Variants in TP63 observed in about 807,000 individuals in gnomAD.
The protein encoded by TP63 is tumor protein 63.
In TP63, 17 loss-of-function variants were observed where a neutral mutation model predicts 82.8. The observed-to-expected ratio is 0.21, with a 90% CI of 0.14 to 0.31. TP63 has a LOEUF of 0.31. TP63 is among the 10% of genes least tolerant of loss of function. The pLI is 1.00. For synonymous variants in TP63, 330 were observed against 321.7 expected, an observed-to-expected ratio of 1.03 and a Z score of -0.28; for missense variants, 648 against 895.3, an observed-to-expected ratio of 0.72 and a Z score of 3.52.
In TP63 at chr3:189,855,297, T is replaced by C. The variant is rs185282157; in HGVS notation, c.580-8935T>C. 2.3e-4 allele frequency among the ~76,000 whole-genome samples: 35 copies of C among 152,324 alleles called. No individual in the cohort carries two copies. The East Asian group carries it at 6.6e-3, about 29-fold the overall frequency. ...AATCACATTTAGAGACAGTGCCACT[T>C]TATTTTTTAAAAAAGATAAACAAAA... On this transcript the variant is annotated intron_variant, in intron 4 of 13. Coordinates refer to ENST00000264731, the MANE Select transcript of TP63 (RefSeq NM_003722.5).
chr3:189,724,277 T>G (rs1198332236), intron 1 of TP63, among the ~76,000 whole-genome samples: 3 of 152,168 alleles, frequency 2.0e-5, no homozygotes, highest in African/African-American at 7.2e-5. Flanking sequence ...GTTTCCCTAA[T>G]TGTTCATTAC....
At chr3:189,770,754 ATAGT>A (rs750902470) in intron 3 of TP63, among the ~76,000 whole-genome samples, 1 of 152,144 alleles carries the variant, frequency 6.6e-6, no homozygotes, top group African/African-American at 2.4e-5. Context: ...ATCTCTACAG[ATAGT>A]TAGGCAAGAC....
intron 1 of TP63, among the ~76,000 whole-genome samples, chr3:189,691,400 A>G (rs1456070145): frequency 2.0e-5 from 3 of 151,566 alleles, no homozygotes; most frequent in Admixed American, 6.6e-5. Context: ...TTGACTGTGT[A>G]TGGCAACTCA....
intron 3 of TP63, among the ~76,000 whole-genome samples, chr3:189,765,433 C>CATTTTTTTTTTTTTTTTTT (rs1722869060): frequency 3.3e-5 from 1 of 30,088 alleles, no homozygotes; most frequent in Non-Finnish European, 5.9e-5. Flanking sequence ...CTGTCCTCTG[C>CATTTTTTTTTTTTTTTTTT]TTTTTTTTTT....
intron 1 of TP63, among the ~76,000 whole-genome samples, chr3:189,642,857 T>C (rs1434266870): frequency 6.6e-6 from 1 of 150,556 alleles, no homozygotes; most frequent in East Asian, 1.9e-4. Flanking sequence ...AAAGCATAAA[T>C]AAAACATGAC....
intron 4 of TP63, among the ~76,000 whole-genome samples, chr3:189,840,359 C>CTTTTTTTTTTTTTTTTTTTTTTTT: frequency 1.1e-4 from 5 of 44,448 alleles, no homozygotes; most frequent in Admixed American, 2.6e-4. Context: ...TGCTTTTCGT[C>CTTTTTTTTTTTTTTTTTTTTTTTT]TTTTTTTTTT....
chr3:189,822,507 G>A (rs542685521), intron 4 of TP63, among the ~76,000 whole-genome samples: 17 of 152,156 alleles, frequency 1.1e-4, no homozygotes, highest in Non-Finnish European at 2.4e-4. Flanking sequence ...TTTCAATATA[G>A]GTATTTCTTC....
chr3:189,620,515 AAC>A, the TP63 span, among the ~76,000 whole-genome samples: 5,988 of 137,498 alleles, frequency 0.044, 329 homozygotes, highest in African/African-American at 0.062. Flanking sequence ...TCAAAAAAAA[AAC>A]AAAAAAAAAA....
At chr3:189,855,843 A>G (rs1716223312) in intron 4 of TP63, among the ~76,000 whole-genome samples, 1 of 152,030 alleles carries the variant, frequency 6.6e-6, no homozygotes, top group South Asian at 2.1e-4. Flanking sequence ...CAATGATGAA[A>G]TATTAATAAA....
At chr3:189,616,525 T>C in the TP63 span, among the ~76,000 whole-genome samples, 1 of 152,222 alleles carries the variant, frequency 6.6e-6, no homozygotes, top group South Asian at 2.1e-4. Context: ...TTCTACCTCC[T>C]TCATCCAGTC....
At chr3:189,739,788 T>TTC in intron 3 of TP63, among the ~76,000 whole-genome samples, 1 of 148,372 alleles carries the variant, frequency 6.7e-6, no homozygotes, top group East Asian at 2.0e-4. Context: ...GGGTTTTCTT[T>TTC]TTTTTTTTTT....
chr3:189,801,848 T>C (rs1053717337), intron 3 of TP63, among the ~76,000 whole-genome samples: 2 of 152,352 alleles, frequency 1.3e-5, no homozygotes, highest in Admixed American at 1.3e-4. Flanking sequence ...TTATATTTTG[T>C]TCTTTGTATG....
At chr3:189,612,431 A>G in the TP63 span, among the ~76,000 whole-genome samples, 36 of 151,360 alleles carry the variant, frequency 2.4e-4, no homozygotes, top group Non-Finnish European at 2.5e-4. Context: ...AGTGCTTTTC[A>G]CCTCCCACCA....
chr3:189,753,911 ATG>A (rs1229779803), intron 3 of TP63, among the ~76,000 whole-genome samples: 1 of 152,138 alleles, frequency 6.6e-6, no homozygotes, highest in Admixed American at 6.6e-5. Flanking sequence ...ACAAATTCAA[ATG>A]GAAGGTAGAA....
At chr3:189,824,570 A>G (rs1485276703) in intron 4 of TP63, among the ~76,000 whole-genome samples, 1 of 152,088 alleles carries the variant, frequency 6.6e-6, no homozygotes, top group East Asian at 1.9e-4. Context: ...GGCTGCTGTG[A>G]AACTGTTTTC....
chr3:189,806,166 G>A (rs955597860), intron 3 of TP63, among the ~76,000 whole-genome samples: 17 of 139,316 alleles, frequency 1.2e-4, no homozygotes, highest in Admixed American at 8.1e-4. Context: ...TTTTTTCTTC[G>A]TTTATATTGG....
At chr3:189,756,260 A>G (rs62279909) in intron 3 of TP63, among the ~76,000 whole-genome samples, 24,373 of 152,134 alleles carry the variant, frequency 0.16, 2,100 homozygotes, top group East Asian at 0.32. Context: ...AAGTAAGAAA[A>G]TATATTTCAC....
intron 1 of TP63, among the ~76,000 whole-genome samples, chr3:189,722,681 A>C (rs1038818740): frequency 6.6e-6 from 1 of 152,226 alleles, no homozygotes; most frequent in Non-Finnish European, 1.5e-5. Context: ...TTATACACCT[A>C]GTAAACGTGG....
At chr3:189,613,620 T>C in the TP63 span, among the ~76,000 whole-genome samples, 1 of 152,138 alleles carries the variant, frequency 6.6e-6, no homozygotes, top group Non-Finnish European at 1.5e-5. Context: ...GACCCCAGAA[T>C]GGTAGATTCA....
Sources: allele counts gnomAD v4.1 joint callset (sites outside exome capture counted in the v4.1 genomes callset), GRCh38; gene constraint gnomAD v4.1.1; transcripts MANE v1.5; gene names NCBI Gene and HGNC (gene_info 2026-07-23, HGNC 2026-07-21).